The following OR6N1 variants were observed in gnomAD, a reference collection of about 807,000 sequenced individuals.
OR6N1 encodes the protein olfactory receptor family 6 subfamily N member 1.
For synonymous variants in OR6N1, 170 were observed against 150.7 expected (o/e 1.13, Z -0.94); for missense variants, 394 against 371.7 (o/e 1.06, Z -0.49).
the OR6N1 span, among the ~76,000 whole-genome samples, chr1:158,779,028 A>AAAAAAAAAG: frequency 6.6e-6 from 1 of 151,452 alleles, no homozygotes; most frequent in African/African-American, 2.4e-5. Context: ...CAAAAAAAAA[A>AAAAAAAAAG]AAAAGAATGC....
At chr1:158,806,395 C>T in the OR6N1 span, among the ~76,000 whole-genome samples, 2 of 152,160 alleles carry the variant, frequency 1.3e-5, no homozygotes, top group African/African-American at 2.4e-5. Flanking sequence ...AGAAATAAAT[C>T]CCCACTGAAG....
upstream of OR6N1, chr1:158,775,257 C>G (rs189757254): frequency 1.4e-3 from 211 of 152,242 alleles, 1 homozygote; most frequent in African/African-American, 5.0e-3. Flanking sequence ...GCTAGCATCA[C>G]TGGAAATTGA....
the OR6N1 span, among the ~76,000 whole-genome samples, chr1:158,778,217 G>C: frequency 3.9e-5 from 6 of 152,132 alleles, no homozygotes; most frequent in Non-Finnish European, 7.3e-5. Flanking sequence ...AATTCAGCAA[G>C]GTACAATCTC....
chr1:158,792,613 T>C, the OR6N1 span, among the ~76,000 whole-genome samples: 1 of 152,224 alleles, frequency 6.6e-6, no homozygotes, highest in South Asian at 2.1e-4. Flanking sequence ...CTGAGAATGA[T>C]TTTATTTCTC....
chr1:158,776,460 T>A (rs566104636), upstream of OR6N1: 1,978 of 386,774 alleles, frequency 5.1e-3, 8 homozygotes, highest in Non-Finnish European at 6.0e-3. Flanking sequence ...TGCTTTTTTT[T>A]AAAAAAAGAA....
the OR6N1 span, among the ~76,000 whole-genome samples, chr1:158,807,163 A>T: frequency 6.6e-6 from 1 of 152,170 alleles, no homozygotes; most frequent in Non-Finnish European, 1.5e-5. Context: ...TTTAGGGTTG[A>T]ATCTGTCTGT....
the OR6N1 span, among the ~76,000 whole-genome samples, chr1:158,792,796 T>C: frequency 6.6e-6 from 1 of 152,212 alleles, no homozygotes; most frequent in Non-Finnish European, 1.5e-5. Flanking sequence ...CTAATGCTTT[T>C]GAGCTTCTGG....
At chr1:158,827,583 G>A in the OR6N1 span, among the ~76,000 whole-genome samples, 1 of 152,190 alleles carries the variant, frequency 6.6e-6, no homozygotes, top group Non-Finnish European at 1.5e-5. Flanking sequence ...TTGAAATGCT[G>A]CAGGGTAGAT....
the OR6N1 span, among the ~76,000 whole-genome samples, chr1:158,793,107 T>C: frequency 6.6e-6 from 1 of 152,104 alleles, no homozygotes; most frequent in Non-Finnish European, 1.5e-5. Flanking sequence ...GTGTTTTTCA[T>C]TTCCAGAAGT....
chr1:158,815,029 G>A, the OR6N1 span, among the ~76,000 whole-genome samples: 1 of 152,026 alleles, frequency 6.6e-6, no homozygotes, highest in Non-Finnish European at 1.5e-5. Context: ...ATATTTGTTG[G>A]GAAGCTCTGC....
chr1:158,797,738 TA>T, the OR6N1 span, among the ~76,000 whole-genome samples: 1 of 151,874 alleles, frequency 6.6e-6, no homozygotes, highest in East Asian at 1.9e-4. Context: ...TATTATCATC[TA>T]TTTTTTCACA....
the OR6N1 span, among the ~76,000 whole-genome samples, chr1:158,816,571 T>G: frequency 1.3e-5 from 2 of 152,184 alleles, no homozygotes; most frequent in Admixed American, 6.5e-5. Context: ...ATGCCTGCAG[T>G]TCCAGCTACT....
the OR6N1 span, among the ~76,000 whole-genome samples, chr1:158,812,117 T>A: frequency 6.6e-6 from 1 of 152,224 alleles, no homozygotes; most frequent in Non-Finnish European, 1.5e-5. Flanking sequence ...TGCAGCTTTA[T>A]CTATGGGTTT....
chr1:158,800,765 T>C, the OR6N1 span, among the ~76,000 whole-genome samples: 1 of 152,216 alleles, frequency 6.6e-6, no homozygotes, highest in Admixed American at 6.5e-5. Context: ...ACCCAAAACT[T>C]ACGCTATCAC....
At chr1:158,814,729 G>A in the OR6N1 span, among the ~76,000 whole-genome samples, 1 of 152,100 alleles carries the variant, frequency 6.6e-6, no homozygotes, top group Non-Finnish European at 1.5e-5. Context: ...TCACCTCTTA[G>A]TACCCCTTGG....
chr1:158,788,339 G>A, the OR6N1 span, among the ~76,000 whole-genome samples: 1 of 151,996 alleles, frequency 6.6e-6, no homozygotes, highest in Non-Finnish European at 1.5e-5. Flanking sequence ...GAGAAGTCAG[G>A]GCAGTATTGC....
At chr1:158,828,977 A>T in the OR6N1 span, among the ~76,000 whole-genome samples, 1 of 152,242 alleles carries the variant, frequency 6.6e-6, no homozygotes, top group Non-Finnish European at 1.5e-5. Flanking sequence ...TGCAAGCTCT[A>T]CAGTAGCCCC....
chr1:158,789,147 T>A, the OR6N1 span, among the ~76,000 whole-genome samples: 7 of 152,196 alleles, frequency 4.6e-5, no homozygotes, highest in African/African-American at 1.7e-4. Flanking sequence ...TACCTCAAGT[T>A]CCATCCATGT....
chr1:158,778,616 A>C, the OR6N1 span, among the ~76,000 whole-genome samples: 3 of 152,104 alleles, frequency 2.0e-5, no homozygotes, highest in Non-Finnish European at 2.9e-5. Context: ...AACATAAGTA[A>C]AATTTAACTA....
Sources: gnomAD v4.1 joint callset for allele counts (sites outside exome capture counted in the v4.1 genomes callset) on GRCh38, gnomAD v4.1.1 for gene constraint, MANE v1.5 for transcripts, NCBI Gene and HGNC (gene_info 2026-07-23, HGNC 2026-07-21) for gene names.